Variants in SPRING1 observed in about 807,000 individuals in gnomAD.
The protein encoded by SPRING1 is SREBF pathway regulator in golgi 1.
Under a neutral mutation model 24.7 loss-of-function variants are expected in SPRING1, and 14 were observed. That is an observed-to-expected ratio of 0.57 (90% confidence interval 0.37 to 0.88). SPRING1 has a LOEUF of 0.88. SPRING1 is among the 40% of genes least tolerant of loss of function. The pLI is 0.00. For missense variants in SPRING1, 255 were observed against 268.4 expected (o/e 0.95, Z 0.35); for synonymous variants, 93 against 106.1 (o/e 0.88, Z 0.76).
intron 1 of SPRING1, among the ~76,000 whole-genome samples, chr12:116,737,540 T>G (rs1416897390): frequency 1.7e-4 from 21 of 120,122 alleles, no homozygotes; most frequent in East Asian, 5.3e-4. Context: ...AGGAGGAAGG[T>G]GAGGAAGGTA....
intron 1 of SPRING1, among the ~76,000 whole-genome samples, chr12:116,734,388 G>A (rs1871132003): frequency 6.6e-6 from 1 of 152,172 alleles, no homozygotes; most frequent in Admixed American, 6.5e-5. Flanking sequence ...AGAATCTTGA[G>A]CGACGCATGA....
Position 116,713,220 on chromosome 12 carries a change from A to T in SPRING1, c.*4590T>A, listed in dbSNP as rs1372104746. 2.6e-5 allele frequency: 4 copies of T among 152,280 alleles called. No homozygotes were observed. The highest frequency in any genetic ancestry group is 4.4e-5 in the Non-Finnish European group (3 of 68,082). The allele number at this position is 152,280 out of a possible 1,614,324, so 9.4% of individuals were successfully genotyped here. A position where few individuals can be genotyped will look rare whatever the true frequency, so the allele number is the denominator to read the frequency against. ...CTGGGGGGCAAAATTGCCCCTGTTG[A>T]GCACCACTGCCCTAGATGAACTGGA... On this transcript the variant is annotated 3_prime_UTR_variant, in exon 5 of 5. Coordinates refer to ENST00000261318, the MANE Select transcript of SPRING1 (RefSeq NM_024738.4).
chr12:116,720,047 C>T lies in SPRING1; in HGVS notation c.421-171G>A. 1 of 716,598 alleles carries T rather than the reference C, an allele frequency of 1.4e-6. No homozygotes were observed. The allele number at this position is 716,598 out of a possible 1,614,324, so 44.4% of individuals were successfully genotyped here. A position where few individuals can be genotyped will look rare whatever the true frequency, so the allele number is the denominator to read the frequency against. On this transcript the variant is annotated intron_variant, in intron 3 of 4. Coordinates refer to ENST00000261318, the MANE Select transcript of SPRING1 (RefSeq NM_024738.4). This position sits in a 1 kb window ranked among gnomAD's most constrained non-coding sequence, Gnocchi z 4.0. ...TGCACACACGTGCATGCCAAAACAC[C>T]CTGGGTATCTTATTCATTAGATATG...
Position 116,720,160 on chromosome 12 carries a change from A to AGCAATT in SPRING1, c.420+130_420+135dup. The AGCAATT allele has an allele frequency of 6.9e-6, 8 of 1,167,682 alleles. No homozygotes were observed. Among genetic ancestry groups the AGCAATT allele is most frequent in the Non-Finnish European group, 9.5e-6 (8 of 846,266 alleles). The allele number at this position is 1,167,682 out of a possible 1,614,324, so 72.3% of individuals were successfully genotyped here. On this transcript the variant is annotated intron_variant, in intron 3 of 4. Transcript: ENST00000261318. This position sits in a 1 kb window ranked among gnomAD's most constrained non-coding sequence, Gnocchi z 4.0. ...TTTCCTTAGATAAAAGCTATTGTGC[A>AGCAATT]GCAATTTCTGACACCTACAAAGCTC... is the stretch of plus-strand genomic sequence containing the variant.
chr12:116,723,719 C>T (rs535803949), intron 1 of SPRING1, among the ~76,000 whole-genome samples: 9 of 152,254 alleles, frequency 5.9e-5, no homozygotes, highest in East Asian at 5.8e-4. Flanking sequence ...GGGTGGAAGA[C>T]GTTTGGGAAA....
intron 4 of SPRING1, among the ~76,000 whole-genome samples, chr12:116,719,277 C>A (rs2137031267): frequency 6.6e-6 from 1 of 152,284 alleles, no homozygotes; most frequent in East Asian, 1.9e-4. Context: ...GTATTGAGAG[C>A]CTGACAGCCT....
intron 2 of SPRING1, among the ~76,000 whole-genome samples, chr12:116,721,305 CAT>C (rs766255902): frequency 9.2e-5 from 14 of 152,200 alleles, no homozygotes; most frequent in East Asian, 3.8e-4. Context: ...CAGGTGCACA[CAT>C]GAGCTCCCAG....
Position 116,728,625 on chromosome 12 carries a change from G to A in SPRING1, c.112-5402C>T, listed in dbSNP as rs1221547205. 2.0e-5 allele frequency among the ~76,000 whole-genome samples: 3 copies of A among 152,242 alleles called. No individual in the cohort carries two copies. The highest frequency in any genetic ancestry group is 7.2e-5 in the African/African-American group (3 of 41,462). ...GCAAAAGCTGCCGCATCTGCGCCAT[G>A]AGTTTCCAGTCTCACCGCAGCGGAG... On this transcript the variant is annotated intron_variant, in intron 1 of 4. Transcript: ENST00000261318. The surrounding 1 kb of genome is among the most constrained non-coding windows in gnomAD (Gnocchi z 4.2).
Position 116,714,203 on chromosome 12 carries a change from T to G in SPRING1, c.*3607A>C, listed in dbSNP as rs1194826779. 2 of 152,252 alleles carry G rather than the reference T, an allele frequency of 1.3e-5. No individual in the cohort carries two copies. The highest frequency in any genetic ancestry group is 2.9e-5 in the Non-Finnish European group (2 of 68,068). The allele number at this position is 152,252 out of a possible 1,614,324, so 9.4% of individuals were successfully genotyped here. A position where few individuals can be genotyped will look rare whatever the true frequency, so the allele number is the denominator to read the frequency against. ...AAGACTGCCTCAGCCACGCCGCTAG[T>G]AAGTGGTAGTTCCCAACTCTAGAGT... On this transcript the variant is annotated 3_prime_UTR_variant, in exon 5 of 5. Transcript: ENST00000261318.
At position 116,717,779 on chromosome 12, in the gene SPRING1, C is replaced by T. The variant is rs755816626; in HGVS notation, c.*31G>A. ...GGCGAGTTCTTCAGCGGGGCCTCCTCACCCAGGCTGGAGCAAGTCCGCTGC... is the reference window on the plus strand; with the variant it reads ...GGCGAGTTCTTCAGCGGGGCCTCCTTACCCAGGCTGGAGCAAGTCCGCTGC... On this transcript the variant is annotated 3_prime_UTR_variant, in exon 5 of 5. Transcript: ENST00000261318. This position sits in a 1 kb window ranked among gnomAD's most constrained non-coding sequence, Gnocchi z 4.2. 3.2e-6 allele frequency: 5 copies of T among 1,550,730 alleles called. 1 individual carries two copies. In the South Asian group the frequency reaches 5.8e-5, roughly 18 times the overall value.
Position 116,711,679 on chromosome 12 carries a change from A to G in SPRING1, c.*6131T>C, listed in dbSNP as rs1422758375. The G allele has an allele frequency of 6.6e-6, 1 of 152,210 alleles. No homozygotes were observed. Among genetic ancestry groups the G allele is most frequent in the African/African-American group, 2.4e-5 (1 of 41,386 alleles). The allele number at this position is 152,210 out of a possible 1,614,324, so 9.4% of individuals were successfully genotyped here. On this transcript the variant is annotated 3_prime_UTR_variant, in exon 5 of 5. Coordinates refer to ENST00000261318, the MANE Select transcript of SPRING1 (RefSeq NM_024738.4). ...GCCCAGGTTGGAGCACACTGGCGCAATGACGGCTCACTGCAGCCTTGACCT... is the reference window on the plus strand; with the variant it reads ...GCCCAGGTTGGAGCACACTGGCGCAGTGACGGCTCACTGCAGCCTTGACCT...
chr12:116,719,475 G>T (rs1292366289), intron 4 of SPRING1, among the ~76,000 whole-genome samples: 1 of 152,128 alleles, frequency 6.6e-6, no homozygotes, highest in Non-Finnish European at 1.5e-5. Context: ...GACTCTACCA[G>T]ACTTAAAAAT....
intron 2 of SPRING1, among the ~76,000 whole-genome samples, chr12:116,721,473 G>A (rs1175220449): frequency 6.6e-6 from 1 of 152,230 alleles, no homozygotes; most frequent in Non-Finnish European, 1.5e-5. Context: ...AAAAGCAGGA[G>A]GCACCAGTAG....
At chr12:116,726,468 T>C (rs962855339) in intron 1 of SPRING1, among the ~76,000 whole-genome samples, 6 of 152,176 alleles carry the variant, frequency 3.9e-5, no homozygotes, top group African/African-American at 1.4e-4. Context: ...TCCCTCCCTT[T>C]TGTTTCTTTG....
chr12:116,738,007 C>A lies in SPRING1; in HGVS notation c.-107G>T, dbSNP rs986652194. The A allele has an allele frequency of 8.2e-5, 92 of 1,122,902 alleles. No individual in the cohort carries two copies. The highest frequency in any genetic ancestry group is 3.3e-4 in the East Asian group (6 of 18,358). 69.6% of individuals were successfully genotyped at this position (1,122,902 alleles called of 1,614,324 possible). A position where few individuals can be genotyped will look rare whatever the true frequency, so the allele number is the denominator to read the frequency against. ...CGGCAGCCCCATCCCTCCAGGCAGGCGCCGGCCCCGCCGCCCGCAGCCCAG... is the reference window on the plus strand; with the variant it reads ...CGGCAGCCCCATCCCTCCAGGCAGGAGCCGGCCCCGCCGCCCGCAGCCCAG... On this transcript the variant is annotated 5_prime_UTR_variant, in exon 1 of 5. Coordinates refer to ENST00000261318, the MANE Select transcript of SPRING1 (RefSeq NM_024738.4).
chr12:116,729,963 AAATC>A (rs1304991981), intron 1 of SPRING1, among the ~76,000 whole-genome samples: 3 of 152,026 alleles, frequency 2.0e-5, no homozygotes, highest in Non-Finnish European at 2.9e-5. Flanking sequence ...GCAGTGGCGC[AAATC>A]TCGGCTCACT....
rs1213482897 is a variant in SPRING1, at chr12:116,712,127, A to C, written c.*5683T>G. The C allele has an allele frequency of 1.3e-5, 2 of 152,218 alleles. No homozygotes were observed. Among genetic ancestry groups the C allele is most frequent in the Non-Finnish European group, 2.9e-5 (2 of 68,038 alleles). 9.4% of individuals were successfully genotyped at this position (152,218 alleles called of 1,614,324 possible). ...GAATGTGTAGTCCTGAGAAAAAATA[A>C]ACCTGGACTCTTGGTAAAATATTTG... On this transcript the variant is annotated 3_prime_UTR_variant, in exon 5 of 5. Transcript: ENST00000261318.
chr12:116,726,615 G>A (rs1239963175), intron 1 of SPRING1, among the ~76,000 whole-genome samples: 1 of 152,158 alleles, frequency 6.6e-6, no homozygotes, highest in East Asian at 1.9e-4. Flanking sequence ...TTAGGTGCAT[G>A]CTGCTTAACT....
At chr12:116,733,212 A>T (rs181670389) in intron 1 of SPRING1, among the ~76,000 whole-genome samples, 2 of 152,006 alleles carry the variant, frequency 1.3e-5, no homozygotes, top group East Asian at 3.9e-4. Flanking sequence ...TCTGAGACGG[A>T]GTCTCTGTCG....
Sources: gnomAD v4.1 joint callset for allele counts (sites outside exome capture counted in the v4.1 genomes callset) on GRCh38, gnomAD v4.1.1 for gene constraint, Gnocchi (gnomAD v3.1) non-coding constraint, MANE v1.5 for transcripts, NCBI Gene and HGNC (gene_info 2026-07-23, HGNC 2026-07-21) for gene names.